Variants in PLK3 observed in about 807,000 individuals in gnomAD.
PLK3 encodes polo like kinase 3, also known as serine/threonine-protein kinase PLK3.
In PLK3, 41 loss-of-function variants were observed where a neutral mutation model predicts 71.6. The observed-to-expected ratio is 0.57, with a 90% CI of 0.45 to 0.74. The LOEUF (loss-of-function observed/expected upper bound fraction) is 0.74. PLK3 is among the 30% of genes least tolerant of loss of function. The pLI, the probability that PLK3 is intolerant of heterozygous loss-of-function variation, is 0.00. For synonymous variants in PLK3, 366 were observed against 355.4 expected (o/e 1.03, Z -0.33); for missense variants, 791 against 875.6 (o/e 0.90, Z 1.22).
rs374805149 is a variant in PLK3, at chr1:44,803,732, C to T, written c.1164+41C>T. The T allele has an allele frequency of 5.5e-6, 8 of 1,462,770 alleles. No homozygotes were observed. The highest frequency in any genetic ancestry group is 2.8e-5 in the African/African-American group (2 of 71,764). The allele number at this position is 1,462,770 out of a possible 1,614,324, so 90.6% of individuals were successfully genotyped here. On this transcript the variant is annotated intron_variant, in intron 9 of 14. Coordinates refer to ENST00000372201, the MANE Select transcript of PLK3 (RefSeq NM_004073.4). This position sits in a 1 kb window ranked among gnomAD's most constrained non-coding sequence, Gnocchi z 4.3. Reference sequence around the variant, plus strand: ...GGACACTGTTCCCCTGACTCACCCCCACCCTAGCAGCTGAGGGAAGCCGGG... The same window carrying T: ...GGACACTGTTCCCCTGACTCACCCCTACCCTAGCAGCTGAGGGAAGCCGGG...
intron 14 of PLK3, 26 bp downstream of exon 14, chr1:44,805,405 G>GA: frequency 6.2e-7 from 1 of 1,608,284 alleles, no homozygotes; most frequent in Non-Finnish European, 8.5e-7. Flanking sequence ...GGAGTTGCGG[G>GA]AAGGTCTGGG....
rs1557621698 is a variant in PLK3 at position 44,800,974 on chromosome 1, G to T, written c.318+27G>T. 26 of 1,608,858 alleles carry T rather than the reference G, an allele frequency of 1.6e-5. No homozygotes were observed. The highest frequency in any genetic ancestry group is 2.1e-5 in the Non-Finnish European group (25 of 1,175,858). On this transcript the variant is annotated intron_variant, in intron 2 of 14. Coordinates refer to ENST00000372201, the MANE Select transcript of PLK3 (RefSeq NM_004073.4). This position sits in a 1 kb window ranked among gnomAD's most constrained non-coding sequence, Gnocchi z 6.5. ...TGGGTCCAGGCTCAGCGGGCGAGGGGTGGGGTGGGGACGGTGGCATGGGAA... is the reference window on the plus strand; with the variant it reads ...TGGGTCCAGGCTCAGCGGGCGAGGGTTGGGGTGGGGACGGTGGCATGGGAA...
chr1:44,804,274 T>C (rs1332153929), intron 11 of PLK3, 28 bp downstream of exon 11: 1 of 1,613,098 alleles, frequency 6.2e-7, no homozygotes, highest in Non-Finnish European at 8.5e-7. Context: ...TACATGCTGC[T>C]GTGGTGGGAG....
intron 13 of PLK3, 35 bp from the exon 14 acceptor site, chr1:44,805,231 G>C: frequency 2.1e-6 from 3 of 1,429,802 alleles, no homozygotes; most frequent in Non-Finnish European, 3.0e-6. Flanking sequence ...GCTGTCTCAC[G>C]CTGGATCAGT....
chr1:44,803,529 T>A lies in PLK3; in HGVS notation c.1073-71T>A, dbSNP rs1651905955. ...GTACAGGCACTTGGGGAGGCCAATCTCTGTGTCATCCCTGTCGGAAGTGGA... is the reference window on the plus strand; with the variant it reads ...GTACAGGCACTTGGGGAGGCCAATCACTGTGTCATCCCTGTCGGAAGTGGA... On this transcript the variant is annotated intron_variant, in intron 8 of 14. Coordinates refer to ENST00000372201, the MANE Select transcript of PLK3 (RefSeq NM_004073.4). The surrounding 1 kb of genome is among the most constrained non-coding windows in gnomAD (Gnocchi z 4.3). 1 of 1,571,620 alleles carries A rather than the reference T, an allele frequency of 6.4e-7. No homozygotes were observed. Among genetic ancestry groups the A allele is most frequent in the Admixed American group, 1.7e-5 (1 of 58,874 alleles).
rs1250750859 is a variant in PLK3, at chr1:44,800,932, G to T, written c.303G>T (p.Pro101=). ...TCCCGCAGAGCCGCGTCGCCAAGCC[G>T]CATCAGCGCGAGAAGGTGGGTCCAG... ...KVIPQSRVAK[P]HQREKILNEI... Residue 101 remains proline, a synonymous_variant, in exon 2 of 15, where the codon CCG becomes CCT. Coordinates refer to ENST00000372201, the MANE Select transcript of PLK3 (RefSeq NM_004073.4). The surrounding 1 kb of genome is among the most constrained non-coding windows in gnomAD (Gnocchi z 6.5). The T allele has an allele frequency of 6.2e-7, 1 of 1,612,930 alleles. No individual in the cohort carries two copies. Among genetic ancestry groups the T allele is most frequent in the Non-Finnish European group, 8.5e-7 (1 of 1,179,830 alleles).
At chr1:44,801,535 G>T in intron 3 of PLK3, 87 bp from the exon 4 acceptor site, 1 of 1,435,532 alleles carries the variant, frequency 7.0e-7, no homozygotes. Flanking sequence ...ACCCAAAGCT[G>T]GGGCCCTGTT....
rs1028928215 is a variant in PLK3 at position 44,800,615 on chromosome 1, G to C, written c.152G>C (p.Arg51Pro). 9 of 1,540,368 alleles carry C rather than the reference G, an allele frequency of 5.8e-6. No homozygotes were observed. The highest frequency in any genetic ancestry group is 6.1e-6 in the Non-Finnish European group (7 of 1,146,486). Reference sequence around the variant, plus strand: ...GGGCTACCGACGTCAGACCCCGGGCGCCTCATCACGGACCCGCGCAGCGGC... The same window carrying C: ...GGGCTACCGACGTCAGACCCCGGGCCCCTCATCACGGACCCGCGCAGCGGC... ...LAGLPTSDPGRLITDPRSGRT... is the reference protein window; with the variant it reads ...LAGLPTSDPGPLITDPRSGRT... The change falls in exon 1 of 15, where the codon CGC becomes CCC. Residue 51 changes from arginine to proline, a missense_variant. Coordinates refer to ENST00000372201, the MANE Select transcript of PLK3 (RefSeq NM_004073.4). The surrounding 1 kb of genome is among the most constrained non-coding windows in gnomAD (Gnocchi z 6.5).
rs780934582 is a variant in PLK3, at chr1:44,801,885, G to A, written c.606G>A (p.Gly202=). 3.1e-6 allele frequency: 5 copies of A among 1,613,980 alleles called. No individual in the cohort carries two copies. Among genetic ancestry groups the A allele is most frequent in the East Asian group, 2.2e-5 (1 of 44,880 alleles). Residue 202 remains glycine, a synonymous_variant, in exon 5 of 15, where the codon GGG becomes GGA. Transcript: ENST00000372201. Reference sequence around the variant, plus strand: ...CTGAGAACATGGAACTGAAGGTGGGGGATTTTGGGCTGGCAGCCCGGTTGG... The same window carrying A: ...CTGAGAACATGGAACTGAAGGTGGGAGATTTTGGGCTGGCAGCCCGGTTGG... ...FITENMELKV[G]DFGLAARLEP... is the part of the protein sequence containing the mutation.
In PLK3 at chr1:44,801,081, A is replaced by G; in HGVS notation, c.364A>G (p.Ile122Val). 2 of 1,613,686 alleles carry G rather than the reference A, an allele frequency of 1.2e-6. No homozygotes were observed. Among genetic ancestry groups the G allele is most frequent in the Non-Finnish European group, 1.7e-6 (2 of 1,179,948 alleles). Reference sequence around the variant, plus strand: ...GCACCGAGACCTGCAGCACCGCCACATCGTGCGTTTTTCGCACCACTTTGA... The same window carrying G: ...GCACCGAGACCTGCAGCACCGCCACGTCGTGCGTTTTTCGCACCACTTTGA... Reference protein sequence around the residue: ...ELHRDLQHRHIVRFSHHFEDA... With the variant: ...ELHRDLQHRHVVRFSHHFEDA... Residue 122 changes from isoleucine (I) to valine (V), a missense_variant, in exon 3 of 15, where the codon ATC becomes GTC. By Grantham distance (29) the Ile-to-Val change is conservative. Transcript: ENST00000372201.
At position 44,803,263 on chromosome 1, in the gene PLK3, C is replaced by G. The variant is rs1418560064; in HGVS notation, c.949-5C>G. ...CTTCTCTGTTCACATGGTTCCCCTC[C>G]CTAGGGCTACACCCCCGATCGACTC... is the stretch of plus-strand genomic sequence containing the variant. On this transcript the variant is annotated splice_polypyrimidine_tract_variant and splice_region_variant and intron_variant, in intron 7 of 14. Transcript: ENST00000372201. This position sits in a 1 kb window ranked among gnomAD's most constrained non-coding sequence, Gnocchi z 4.3. 1 of 1,614,008 alleles carries G rather than the reference C, an allele frequency of 6.2e-7. No homozygotes were observed. Among genetic ancestry groups the G allele is most frequent in the Admixed American group, 1.7e-5 (1 of 60,006 alleles).
At chr1:44,804,909 T>A (rs897441369) in intron 13 of PLK3, 130 bp downstream of exon 13, 3 of 829,616 alleles carry the variant, frequency 3.6e-6, no homozygotes, top group Non-Finnish European at 5.7e-6. Flanking sequence ...ATCGAGACCA[T>A]CCTGGCTAAC....
chr1:44,801,943 A>G lies in PLK3; in HGVS notation c.653+11A>G, dbSNP rs761966974. 4 of 1,601,544 alleles carry G rather than the reference A, an allele frequency of 2.5e-6. No homozygotes were observed. In the South Asian group the frequency reaches 3.3e-5, roughly 13 times the overall value. ...GGAGCAGAGGAAGAAGTGAGTTTTG[A>G]GGAAAGGGGCCCTGTGTGTGATACA... is the stretch of plus-strand genomic sequence containing the variant. On this transcript the variant is annotated intron_variant, in intron 5 of 14. Transcript: ENST00000372201.
chr1:44,801,732 G>T lies in PLK3; in HGVS notation c.546G>T (p.Leu182Phe). 7.1e-7 allele frequency: 1 copy of T among 1,403,230 alleles called. No individual in the cohort carries two copies. Among genetic ancestry groups the T allele is most frequent in the Non-Finnish European group, 9.5e-7 (1 of 1,048,302 alleles). The allele number at this position is 1,403,230 out of a possible 1,614,324, so 86.9% of individuals were successfully genotyped here. The change falls in exon 4 of 15, where the codon TTG becomes TTT. Residue 182 changes from leucine to phenylalanine, a missense_variant. Coordinates refer to ENST00000372201, the MANE Select transcript of PLK3 (RefSeq NM_004073.4). ...AGTACTTGCACCAGCGCGGCATCTTGCACCGGGACCTCAAGTTGGGTGAGA... is the reference window on the plus strand; with the variant it reads ...AGTACTTGCACCAGCGCGGCATCTTTCACCGGGACCTCAAGTTGGGTGAGA... ...GLKYLHQRGI[L>F]HRDLKLGNFF...
At chr1:44,801,190 G>C (rs372458065) in intron 3 of PLK3, 38 bp downstream of exon 3, 2 of 865,326 alleles carry the variant, frequency 2.3e-6, no homozygotes, top group East Asian at 2.4e-5. Context: ...GAGAGTGAGG[G>C]AGAGAAGACA....
At position 44,805,252 on chromosome 1, in the gene PLK3, G is replaced by A. The variant is rs2148857098; in HGVS notation, c.1636-14G>A. The A allele has an allele frequency of 6.3e-7, 1 of 1,587,474 alleles. No homozygotes were observed. On this transcript the variant is annotated splice_polypyrimidine_tract_variant and intron_variant, in intron 13 of 14. Transcript: ENST00000372201. Reference sequence around the variant, plus strand: ...TCACGCTGGATCAGTGACCTGCCCTGATCCTGCTCCCAGGGTGGAGATCTG... The same window carrying A: ...TCACGCTGGATCAGTGACCTGCCCTAATCCTGCTCCCAGGGTGGAGATCTG...
chr1:44,803,918 C>G lies in PLK3; in HGVS notation c.1165-13C>G. On this transcript the variant is annotated splice_polypyrimidine_tract_variant and intron_variant, in intron 9 of 14. Coordinates refer to ENST00000372201, the MANE Select transcript of PLK3 (RefSeq NM_004073.4). This position sits in a 1 kb window ranked among gnomAD's most constrained non-coding sequence, Gnocchi z 4.3. The stretch of plus-strand genomic sequence containing the variant: ...GGGCCTGTGTCACTCCCTTTCCCTG[C>G]CCAACCCTCCAGGCTCCAGCAGCTT... The G allele has an allele frequency of 6.5e-7, 1 of 1,540,478 alleles. No homozygotes were observed. The highest frequency in any genetic ancestry group is 1.4e-5 in the African/African-American group (1 of 72,870).
rs1457068761 is a variant in PLK3, at chr1:44,803,408, A to C, written c.1072+17A>C. 9.9e-6 allele frequency: 16 copies of C among 1,613,724 alleles called. No individual in the cohort carries two copies. Among genetic ancestry groups the C allele is most frequent in the Non-Finnish European group, 1.4e-5 (16 of 1,179,946 alleles). Reference sequence around the variant, plus strand: ...AGAAGAAGAGTGAGTCTGGGGTGTCAGTGGGTTGAGGGGGCAGAGCAGTAG... The same window carrying C: ...AGAAGAAGAGTGAGTCTGGGGTGTCCGTGGGTTGAGGGGGCAGAGCAGTAG... On this transcript the variant is annotated intron_variant, in intron 8 of 14. Coordinates refer to ENST00000372201, the MANE Select transcript of PLK3 (RefSeq NM_004073.4). The surrounding 1 kb of genome is among the most constrained non-coding windows in gnomAD (Gnocchi z 4.3).
Position 44,800,441 on chromosome 1 carries a change from C to T in PLK3, c.-23C>T. On this transcript the variant is annotated 5_prime_UTR_variant, in exon 1 of 15. Coordinates refer to ENST00000372201, the MANE Select transcript of PLK3 (RefSeq NM_004073.4). This position sits in a 1 kb window ranked among gnomAD's most constrained non-coding sequence, Gnocchi z 6.5. ...GCCGGGCGGAACCGAGAAGCCGGGA[C>T]CGCGCTGCGACGCGCCGGCCGCATG... 7.5e-7 allele frequency: 1 copy of T among 1,325,672 alleles called. No individual in the cohort carries two copies. Among genetic ancestry groups the T allele is most frequent in the South Asian group, 2.0e-5 (1 of 51,198 alleles). 82.1% of individuals were successfully genotyped at this position (1,325,672 alleles called of 1,614,324 possible).
Sources: gnomAD v4.1 joint callset for allele counts on GRCh38, gnomAD v4.1.1 for gene constraint, Gnocchi (gnomAD v3.1) non-coding constraint, MANE v1.5 for transcripts, NCBI Gene and HGNC (gene_info 2026-07-23, HGNC 2026-07-21) for gene names.